The following NAALADL2 variants were observed in gnomAD, a reference collection of about 807,000 sequenced individuals.
The protein encoded by NAALADL2 is inactive N-acetylated-alpha-linked acidic dipeptidase-like protein 2.
In NAALADL2, 76 loss-of-function variants were observed where a neutral mutation model predicts 87.2. The observed-to-expected ratio is 0.87, with a 90% CI of 0.72 to 1.05. NAALADL2 has a LOEUF of 1.05. Ranked by LOEUF, NAALADL2 falls within the 50% of genes least tolerant of loss-of-function variation. The pLI, the probability that NAALADL2 is intolerant of heterozygous loss-of-function variation, is 0.00. For missense variants in NAALADL2, 1,089 were observed against 945.8 expected (o/e 1.15, Z -1.99); for synonymous variants, 354 against 331.0 (o/e 1.07, Z -0.75).
At chr3:174,687,353 T>C (rs1180421425) in intron 2 of NAALADL2, among the ~76,000 whole-genome samples, 1 of 152,126 alleles carries the variant, frequency 6.6e-6, no homozygotes, top group Non-Finnish European at 1.5e-5. Context: ...ATGCACTCTA[T>C]CCCTCTTACC....
chr3:174,778,448 C>T (rs1715490413), intron 3 of NAALADL2, among the ~76,000 whole-genome samples: 1 of 101,254 alleles, frequency 9.9e-6, no homozygotes, highest in Admixed American at 1.0e-4. Flanking sequence ...TAGGGCTACT[C>T]TGCACCAGGT....
At chr3:174,698,248 ATT>A (rs72284854) in intron 2 of NAALADL2, among the ~76,000 whole-genome samples, 33,538 of 151,092 alleles carry the variant, frequency 0.22, 5,466 homozygotes, top group East Asian at 0.49. Context: ...CTGTTTCCAT[ATT>A]TTTTTTTACC....
chr3:175,357,274 A>G (rs1166063824), intron 5 of NAALADL2, among the ~76,000 whole-genome samples: 2 of 152,172 alleles, frequency 1.3e-5, no homozygotes, highest in East Asian at 3.9e-4. Context: ...GTGACAGGCT[A>G]TGCTGCTGTA....
intron 3 of NAALADL2, among the ~76,000 whole-genome samples, chr3:174,755,665 A>G (rs1403421312): frequency 6.6e-6 from 1 of 152,202 alleles, no homozygotes; most frequent in Non-Finnish European, 1.5e-5. Context: ...CCTCTTTCCC[A>G]AAACTATTAG....
rs190270616 is a variant in NAALADL2, at chr3:174,946,868, T to G, written c.43+87418T>G. On this transcript the variant is annotated intron_variant, in intron 1 of 13. Transcript: ENST00000454872. ...CTTATATTCATTTATATTGAACATA[T>G]GAACATTTCTATTTTATATTCATTT... Among the ~76,000 whole-genome samples, 484 of 152,322 alleles carry G rather than the reference T, an allele frequency of 3.2e-3. 1 individual carries two copies. Among genetic ancestry groups the G allele is most frequent in the African/African-American group, 0.011 (464 of 41,570 alleles).
chr3:175,240,234 A>C (rs539369637), intron 3 of NAALADL2, among the ~76,000 whole-genome samples: 124 of 152,340 alleles, frequency 8.1e-4, no homozygotes, highest in African/African-American at 2.9e-3. Context: ...AATCATGTTG[A>C]GTTGGACCAG....
At chr3:175,152,487 C>CTTTTTTATGT (rs1167556199) in intron 2 of NAALADL2, among the ~76,000 whole-genome samples, 1 of 151,996 alleles carries the variant, frequency 6.6e-6, no homozygotes, top group Non-Finnish European at 1.5e-5. Context: ...TATGTGGGTA[C>CTTTTTTATGT]ATAATTCCTA....
chr3:174,806,215 A>G (rs1325186102), intron 3 of NAALADL2, among the ~76,000 whole-genome samples: 2 of 152,204 alleles, frequency 1.3e-5, no homozygotes, highest in Non-Finnish European at 2.9e-5. Flanking sequence ...TTTAGGACCC[A>G]ATACCTATGA....
intron 1 of NAALADL2, among the ~76,000 whole-genome samples, chr3:175,063,894 A>T (rs1052489308): frequency 1.3e-5 from 2 of 152,140 alleles, no homozygotes; most frequent in Admixed American, 6.6e-5. Flanking sequence ...CAGTTGTTTA[A>T]TTTTTAAATG....
chr3:175,152,153 A>T (rs1463528), intron 2 of NAALADL2, among the ~76,000 whole-genome samples: 127,437 of 152,066 alleles, frequency 0.84, 54,133 homozygotes, highest in East Asian at 0.98. Flanking sequence ...CGACAGTAAT[A>T]CCAAAACTTT....
chr3:175,634,650 T>G (rs915287402), intron 11 of NAALADL2, among the ~76,000 whole-genome samples: 1 of 152,000 alleles, frequency 6.6e-6, no homozygotes, highest in Non-Finnish European at 1.5e-5. Context: ...GGCTATAATT[T>G]TTCATCTGAA....
chr3:174,591,684 T>G (rs1717375576), intron 2 of NAALADL2, among the ~76,000 whole-genome samples: 1 of 152,216 alleles, frequency 6.6e-6, no homozygotes, highest in Non-Finnish European at 1.5e-5. Context: ...AAAATACATG[T>G]TGTGCCTTTT....
chr3:174,944,505 A>G (rs920115434), intron 1 of NAALADL2, among the ~76,000 whole-genome samples: 4 of 152,182 alleles, frequency 2.6e-5, no homozygotes, highest in African/African-American at 9.7e-5. Flanking sequence ...AGCCAGTCTT[A>G]TCCTGTGAGG....
intron 5 of NAALADL2, among the ~76,000 whole-genome samples, chr3:175,424,606 T>C (rs1304759789): frequency 6.6e-6 from 1 of 152,224 alleles, no homozygotes; most frequent in Non-Finnish European, 1.5e-5. Context: ...CTGAGGGCTC[T>C]GTTCTGTTCT....
chr3:175,723,364 C>T (rs754763115), intron 11 of NAALADL2, among the ~76,000 whole-genome samples: 29 of 151,956 alleles, frequency 1.9e-4, no homozygotes, highest in Non-Finnish European at 3.7e-4. Flanking sequence ...CCCTTACAGA[C>T]GAGGAAACAG....
At chr3:174,956,901 A>T (rs1449329680) in intron 1 of NAALADL2, among the ~76,000 whole-genome samples, 1 of 152,060 alleles carries the variant, frequency 6.6e-6, no homozygotes, top group African/African-American at 2.4e-5. Context: ...TAACTGAAGG[A>T]AATGATGAAA....
At chr3:175,102,460 A>G (rs993103562) in intron 2 of NAALADL2, among the ~76,000 whole-genome samples, 21 of 152,158 alleles carry the variant, frequency 1.4e-4, no homozygotes, top group African/African-American at 4.1e-4. Flanking sequence ...TTTTTAAAGG[A>G]GTTTCCCCAT....
intron 5 of NAALADL2, among the ~76,000 whole-genome samples, chr3:175,384,915 A>G (rs1017568961): frequency 1.3e-5 from 2 of 151,942 alleles, no homozygotes; most frequent in African/African-American, 4.8e-5. Flanking sequence ...TTTTTTCACC[A>G]TGCAGAAAAA....
chr3:174,804,025 T>A (rs912368510), intron 3 of NAALADL2, among the ~76,000 whole-genome samples: 1 of 152,198 alleles, frequency 6.6e-6, no homozygotes, highest in Non-Finnish European at 1.5e-5. Context: ...GGTAGCTTCA[T>A]GGGGATAGCA....
Sources: allele counts gnomAD v4.1 joint callset (sites outside exome capture counted in the v4.1 genomes callset), GRCh38; gene constraint gnomAD v4.1.1; transcripts MANE v1.5; gene names NCBI Gene and HGNC (gene_info 2026-07-23, HGNC 2026-07-21).